The following GOLGA5 variants were observed in gnomAD, a reference collection of about 807,000 sequenced individuals.
GOLGA5 encodes the protein golgin A5.
GOLGA5 carries 50 observed loss-of-function variants against 93.5 expected under a neutral mutation model. That is an observed-to-expected ratio of 0.53 (90% CI 0.43 to 0.68). The LOEUF (loss-of-function observed/expected upper bound fraction) is 0.68. Ranked by LOEUF, GOLGA5 falls within the 30% of genes least tolerant of loss-of-function variation. The probability of loss-of-function intolerance (pLI) is 0.00; values close to 1 mark genes in which losing one functional copy is unlikely to be tolerated. For synonymous variants in GOLGA5, 312 were observed against 304.5 expected (o/e 1.02, Z -0.26); for missense variants, 760 against 856.4 (o/e 0.89, Z 1.40).
chr14:92,808,117 C>T (rs1249372527), intron 3 of GOLGA5, among the ~76,000 whole-genome samples: 1 of 152,088 alleles, frequency 6.6e-6, no homozygotes, highest in Non-Finnish European at 1.5e-5. Flanking sequence ...GCCTGTTATT[C>T]CAGCTACTCA....
intron 3 of GOLGA5, among the ~76,000 whole-genome samples, chr14:92,807,457 TC>T (rs1595593069): frequency 1.3e-5 from 2 of 152,352 alleles, no homozygotes; most frequent in South Asian, 2.1e-4. Context: ...CCAGTCATCC[TC>T]CCACCAACCC....
At chr14:92,834,856 G>T (rs372838282) in intron 10 of GOLGA5, among the ~76,000 whole-genome samples, 1 of 152,192 alleles carries the variant, frequency 6.6e-6, no homozygotes, top group Non-Finnish European at 1.5e-5. Context: ...GCCGGAGGTG[G>T]GTGGGTAGCC....
intron 2 of GOLGA5, among the ~76,000 whole-genome samples, chr14:92,803,697 A>G (rs1223244253): frequency 1.3e-5 from 2 of 152,234 alleles, no homozygotes. Context: ...GTCACAGCTG[A>G]AACTTTCAAC....
rs149511708 is a variant in GOLGA5 at position 92,828,927 on chromosome 14, C to G, written c.1720-4195C>G. Among the ~76,000 whole-genome samples the G allele has an allele frequency of 5.4e-3, 820 of 152,204 alleles. 4 individuals are homozygous for G. Among genetic ancestry groups the G allele is most frequent in the African/African-American group, 0.018 (741 of 41,522 alleles). On this transcript the variant is annotated intron_variant, in intron 9 of 12. Transcript: ENST00000163416. Reference sequence around the variant, plus strand: ...CAACCAATCCACCTGCGTCAGCGTCCCAAGTGCTGAGATTACAGGCATGAG... The same window carrying G: ...CAACCAATCCACCTGCGTCAGCGTCGCAAGTGCTGAGATTACAGGCATGAG...
Position 92,835,624 on chromosome 14 carries a change from G to A in GOLGA5, c.2011G>A (p.Gly671Arg), listed in dbSNP as rs769038230. ...AGAAACTAATCTGGCAGGAATGTACGGAAAAGTTCGCAAAGCTGCTAGTTC... is the reference window on the plus strand; with the variant it reads ...AGAAACTAATCTGGCAGGAATGTACAGAAAAGTTCGCAAAGCTGCTAGTTC... ...DTETNLAGMY[G>R]KVRKAASSID... Residue 671 changes from glycine (G) to arginine (R), a missense_variant, in exon 11 of 13, where the codon GGA becomes AGA. Transcript: ENST00000163416. 23 of 1,613,284 alleles carry A rather than the reference G, an allele frequency of 1.4e-5. No individual in the cohort carries two copies. Among genetic ancestry groups the A allele is most frequent in the Middle Eastern group, 1.7e-4 (1 of 6,058 alleles).
chr14:92,802,727 AATTTATTTATTTTTAATAAATCAATTT>A (rs1266861229), intron 2 of GOLGA5, among the ~76,000 whole-genome samples: 1 of 151,156 alleles, frequency 6.6e-6, no homozygotes, highest in Non-Finnish European at 1.5e-5. Context: ...TATACAAATC[AATTTATTTATTTTTAATAAATCAATTT>A]ATTTATTTAT....
In GOLGA5 at chr14:92,837,589, G is replaced by A. The variant is rs546111129; in HGVS notation, c.2115+140G>A. 4.9e-4 allele frequency: 291 copies of A among 595,828 alleles called. 1 individual carries two copies. In the African/African-American group the frequency reaches 5.1e-3, roughly 10 times the overall value. 36.9% of individuals were successfully genotyped at this position (595,828 alleles called of 1,614,324 possible). ...TTTTTTTTTGTTTTTTTTGAAACAG[G>A]GTCTGGCTCTTTTGCTGAGGCTGGA... On this transcript the variant is annotated intron_variant, in intron 12 of 12. Transcript: ENST00000163416.
chr14:92,822,719 C>T (rs1885340271), intron 8 of GOLGA5, among the ~76,000 whole-genome samples: 5 of 152,108 alleles, frequency 3.3e-5, no homozygotes, highest in Admixed American at 2.6e-4. Flanking sequence ...TGCAGTGGCG[C>T]GATCTCGGCT....
At chr14:92,806,501 TG>T (rs1884988860) in intron 2 of GOLGA5, among the ~76,000 whole-genome samples, 1 of 152,066 alleles carries the variant, frequency 6.6e-6, no homozygotes, top group Non-Finnish European at 1.5e-5. Context: ...TTGGTAGAGA[TG>T]GGGTTTCACC....
intron 1 of GOLGA5, among the ~76,000 whole-genome samples, 177 bp downstream of exon 1, chr14:92,794,633 C>T (rs1884678506): frequency 2.0e-5 from 3 of 152,234 alleles, no homozygotes; most frequent in Admixed American, 2.0e-4. Context: ...CTTCAGCCGA[C>T]GTCGTTTACT....
chr14:92,803,950 A>G (rs1204635217), intron 2 of GOLGA5, among the ~76,000 whole-genome samples: 1 of 152,142 alleles, frequency 6.6e-6, no homozygotes, highest in Non-Finnish European at 1.5e-5. Context: ...TGATGGCCTA[A>G]TGTTGTTTAT....
intron 3 of GOLGA5, among the ~76,000 whole-genome samples, chr14:92,808,280 T>C (rs576362710): frequency 6.6e-6 from 1 of 151,916 alleles, no homozygotes; most frequent in African/African-American, 2.4e-5. Flanking sequence ...AACAAAGTAC[T>C]CACTAGTCAG....
intron 10 of GOLGA5, 87 bp downstream of exon 10, chr14:92,833,434 C>T (rs1368936392): frequency 5.1e-6 from 5 of 974,196 alleles, no homozygotes; most frequent in Non-Finnish European, 8.0e-6. Context: ...TTGAAAGAAA[C>T]TTCATCCAGT....
Position 92,819,737 on chromosome 14 carries a change from A to T in GOLGA5, c.1521A>T (p.Ala507=). The change falls in exon 8 of 13, where the codon GCA becomes GCT. Residue 507 remains alanine (A), a synonymous_variant. Coordinates refer to ENST00000163416, the MANE Select transcript of GOLGA5 (RefSeq NM_005113.4). The stretch of plus-strand genomic sequence containing the variant: ...TGGAGGCACAGCAAGTTAATGAAGC[A>T]GAATCAGCAAGAGAACAGTTACAGG... The part of the protein sequence containing the change: ...QDMEAQQVNE[A]ESAREQLQDL... 1 of 1,613,894 alleles carries T rather than the reference A, an allele frequency of 6.2e-7. No homozygotes were observed. The highest frequency in any genetic ancestry group is 8.5e-7 in the Non-Finnish European group (1 of 1,179,742).
At chr14:92,808,743 G>A (rs1182761265) in intron 3 of GOLGA5, among the ~76,000 whole-genome samples, 1 of 147,636 alleles carries the variant, frequency 6.8e-6, no homozygotes, top group Non-Finnish European at 1.5e-5. Flanking sequence ...GTTTGATTCA[G>A]TATTTTTAAA....
chr14:92,820,885 A>G (rs1360235495), intron 8 of GOLGA5, among the ~76,000 whole-genome samples: 1 of 152,224 alleles, frequency 6.6e-6, no homozygotes, highest in East Asian at 1.9e-4. Flanking sequence ...AGGGCAAAGC[A>G]ATTGTTCAGG....
At chr14:92,817,789 G>A (rs539132640) in intron 7 of GOLGA5, among the ~76,000 whole-genome samples, 1 of 152,288 alleles carries the variant, frequency 6.6e-6, no homozygotes, top group South Asian at 2.1e-4. Flanking sequence ...AGACAGACGT[G>A]GATAGATTCT....
At position 92,839,824 on chromosome 14, in the gene GOLGA5, T is replaced by TA. The variant is rs1595608468; in HGVS notation, c.*379dup. 1 of 221,944 alleles carries TA rather than the reference T, an allele frequency of 4.5e-6. No individual in the cohort carries two copies. The highest frequency in any genetic ancestry group is 2.3e-5 in the African/African-American group (1 of 44,428). 13.7% of individuals were successfully genotyped at this position (221,944 alleles called of 1,614,324 possible). A position where few individuals can be genotyped will look rare whatever the true frequency, so the allele number is the denominator to read the frequency against. On this transcript the variant is annotated 3_prime_UTR_variant, in exon 13 of 13. Coordinates refer to ENST00000163416, the MANE Select transcript of GOLGA5 (RefSeq NM_005113.4). ...GTGACAAAAATAAAAAGTTTTTTTTTATAATTCAGTCTGCTTTTGGATTTT... is the reference window on the plus strand; with the variant it reads ...GTGACAAAAATAAAAAGTTTTTTTTTAATAATTCAGTCTGCTTTTGGATTTT...
intron 2 of GOLGA5, among the ~76,000 whole-genome samples, chr14:92,805,795 C>A (rs977523930): frequency 3.3e-5 from 5 of 152,024 alleles, no homozygotes; most frequent in African/African-American, 1.2e-4. Flanking sequence ...AGTATCAAGT[C>A]TTTTACCCAT....
Sources: allele counts gnomAD v4.1 joint callset (sites outside exome capture counted in the v4.1 genomes callset), GRCh38; gene constraint gnomAD v4.1.1; transcripts MANE v1.5; gene names NCBI Gene and HGNC (gene_info 2026-07-23, HGNC 2026-07-21).